The following RFT1 variants were observed in gnomAD, a reference collection of about 807,000 sequenced individuals.
RFT1 encodes RFT1 glycolipid translocator homolog.
A neutral mutation model predicts 62.2 loss-of-function variants in RFT1; 43 were observed. The observed-to-expected ratio is 0.69, with a 90% CI of 0.54 to 0.89. The LOEUF is 0.89. Ranked by LOEUF, RFT1 falls within the 40% of genes least tolerant of loss-of-function variation. The pLI is 0.00. For synonymous variants in RFT1, 262 were observed against 264.6 expected, an observed-to-expected ratio of 0.99 and a Z score of 0.10; for missense variants, 605 against 649.9, an observed-to-expected ratio of 0.93 and a Z score of 0.75.
At chr3:53,111,155 T>C (rs1701636869) in intron 7 of RFT1, among the ~76,000 whole-genome samples, 1 of 152,242 alleles carries the variant, frequency 6.6e-6, no homozygotes, top group African/African-American at 2.4e-5. Context: ...GGCTCGCGCC[T>C]GTAATCCCAG....
chr3:53,099,468 G>A lies in RFT1; in HGVS notation c.1121C>T (p.Ser374Phe). Residue 374 changes from serine (S) to phenylalanine (F), a missense_variant, in exon 11 of 13, where the codon TCC (serine) becomes TTC (phenylalanine). Physicochemically the swap from Ser to Phe is radical, Grantham distance 155. Coordinates refer to ENST00000296292, the MANE Select transcript of RFT1 (RefSeq NM_052859.4). ...SSGSGPVLLR[S>F]YCLYVLLLAI... Reference sequence around the variant, plus strand: ...AAGCAGGAGAACATAGAGACAGTAGGAACGCAGCAAAACAGGACCTACAAG... The same window carrying A: ...AAGCAGGAGAACATAGAGACAGTAGAAACGCAGCAAAACAGGACCTACAAG... 1 of 1,613,926 alleles carries A rather than the reference G, an allele frequency of 6.2e-7. No individual in the cohort carries two copies. Among genetic ancestry groups the A allele is most frequent in the Non-Finnish European group, 8.5e-7 (1 of 1,179,908 alleles).
At chr3:53,124,753 C>T (rs1467766534) in intron 2 of RFT1, among the ~76,000 whole-genome samples, 1 of 152,106 alleles carries the variant, frequency 6.6e-6, no homozygotes, top group Non-Finnish European at 1.5e-5. Flanking sequence ...GGGAGGATCA[C>T]TTGAGCCCAG....
the RFT1 span, among the ~76,000 whole-genome samples, chr3:53,082,938 G>T: frequency 6.6e-6 from 1 of 152,184 alleles, no homozygotes; most frequent in African/African-American, 2.4e-5. Context: ...GCTCATGCCT[G>T]TAATCCCAGC....
At chr3:53,098,406 G>T (rs1575483062) in intron 11 of RFT1, among the ~76,000 whole-genome samples, 1 of 144,906 alleles carries the variant, frequency 6.9e-6, no homozygotes, top group East Asian at 1.9e-4. Context: ...CACACACAGA[G>T]GAGGGGGAAG....
At chr3:53,105,410 T>TCC (rs1553654051) in intron 9 of RFT1, among the ~76,000 whole-genome samples, 2 of 117,028 alleles carry the variant, frequency 1.7e-5, no homozygotes, top group Admixed American at 7.9e-5. Flanking sequence ...CAAGACTCTA[T>TCC]CCCCGCCCCC....
the RFT1 span, among the ~76,000 whole-genome samples, chr3:53,068,927 G>A: frequency 6.6e-6 from 1 of 152,044 alleles, no homozygotes; most frequent in African/African-American, 2.4e-5. Context: ...CTTTGTGTTC[G>A]GTGACATTTT....
chr3:53,108,436 C>T (rs1381701267), intron 7 of RFT1, among the ~76,000 whole-genome samples: 1 of 146,130 alleles, frequency 6.8e-6, no homozygotes, highest in Non-Finnish European at 1.5e-5. Flanking sequence ...GTCACCCAGA[C>T]TGGAGTGCAG....
At chr3:53,118,058 T>TA (rs200073848) in intron 6 of RFT1, among the ~76,000 whole-genome samples, 2 of 152,162 alleles carry the variant, frequency 1.3e-5, no homozygotes, top group African/African-American at 4.8e-5. Context: ...CCCAGCTAAT[T>TA]AAAAAAATTT....
chr3:53,081,673 T>G, the RFT1 span, among the ~76,000 whole-genome samples: 2 of 152,180 alleles, frequency 1.3e-5, no homozygotes, highest in Non-Finnish European at 2.9e-5. Context: ...TCCCACTCCT[T>G]GGTGGTGCTG....
At chr3:53,082,851 G>A in the RFT1 span, among the ~76,000 whole-genome samples, 11 of 152,160 alleles carry the variant, frequency 7.2e-5, no homozygotes, top group Non-Finnish European at 1.3e-4. Context: ...ATGCTGTGCC[G>A]TTTAGAAGAT....
In RFT1 at chr3:53,092,057, C is replaced by T. The variant is rs758101352; in HGVS notation, c.1472G>A (p.Cys491Tyr). Residue 491 changes from cysteine (C) to tyrosine (Y), a missense_variant, in exon 13 of 13, where the codon TGT (cysteine) becomes TAT (tyrosine). Cys to Tyr is a radical substitution (Grantham distance 194). Transcript: ENST00000296292. ...VTAVSEVFLC[C>Y]EQGWPARLAH... ...CAGTCTGGCTGGCCAGCCCTGCTCA[C>T]AGCAGAGGAATACCTGGGGAAAGAA... is the stretch of plus-strand genomic sequence containing the variant. 2 of 1,614,254 alleles carry T rather than the reference C, an allele frequency of 1.2e-6. No homozygotes were observed. Among genetic ancestry groups the T allele is most frequent in the East Asian group, 2.2e-5 (1 of 44,894 alleles).
intron 1 of RFT1, among the ~76,000 whole-genome samples, chr3:53,128,172 C>T (rs1307282701): frequency 6.6e-6 from 1 of 152,062 alleles, no homozygotes; most frequent in Non-Finnish European, 1.5e-5. Context: ...GTGGCAGGTA[C>T]CTGTAATCCC....
chr3:53,108,004 C>G (rs1000981775), intron 7 of RFT1, among the ~76,000 whole-genome samples: 1 of 152,166 alleles, frequency 6.6e-6, no homozygotes, highest in Non-Finnish European at 1.5e-5. Context: ...CTTGGATCCA[C>G]CCTCACTGCT....
intron 10 of RFT1, chr3:53,103,242 G>T: frequency 1.0e-6 from 1 of 985,384 alleles, no homozygotes; most frequent in Non-Finnish European, 1.2e-6. Context: ...GCAGAAAGAA[G>T]TCCTCAGCGT....
At chr3:53,070,672 G>A in the RFT1 span, among the ~76,000 whole-genome samples, 1 of 151,332 alleles carries the variant, frequency 6.6e-6, no homozygotes, top group South Asian at 2.1e-4. Flanking sequence ...CAAACTGCTG[G>A]GTGTATTATG....
chr3:53,106,540 C>T (rs1701480212), intron 8 of RFT1, among the ~76,000 whole-genome samples: 1 of 152,170 alleles, frequency 6.6e-6, no homozygotes, highest in Non-Finnish European at 1.5e-5. Context: ...GTGGCTGTGA[C>T]AGTGAGCTCC....
At chr3:53,102,129 G>A (rs2107103420) in intron 10 of RFT1, among the ~76,000 whole-genome samples, 1 of 152,260 alleles carries the variant, frequency 6.6e-6, no homozygotes, top group East Asian at 1.9e-4. Flanking sequence ...ATGATGACGT[G>A]AAGACAGAGA....
intron 6 of RFT1, among the ~76,000 whole-genome samples, chr3:53,115,407 T>C (rs573666332): frequency 1.5e-4 from 23 of 152,256 alleles, no homozygotes; most frequent in Admixed American, 8.5e-4. Flanking sequence ...ACAGACAGTT[T>C]GATCATGGTG....
At chr3:53,112,186 T>G (rs1233387252) in intron 6 of RFT1, among the ~76,000 whole-genome samples, 1 of 152,242 alleles carries the variant, frequency 6.6e-6, no homozygotes. Context: ...GCCCACACAG[T>G]ACACTGACCA....
Sources: allele counts gnomAD v4.1 joint callset (sites outside exome capture counted in the v4.1 genomes callset), GRCh38; gene constraint gnomAD v4.1.1; transcripts MANE v1.5; gene names NCBI Gene and HGNC (gene_info 2026-07-23, HGNC 2026-07-21).